The following APBB2 variants were observed in gnomAD, a reference collection of about 807,000 sequenced individuals.
APBB2 encodes the protein amyloid beta precursor protein binding family B member 2, also known as Fe65-like 1.
APBB2 carries 38 observed loss-of-function variants against 82.5 expected under a neutral mutation model. The observed-to-expected ratio is 0.46, with a 90% confidence interval of 0.36 to 0.60. APBB2 has a LOEUF of 0.60. APBB2 is among the 20% of genes least tolerant of loss of function. The pLI is 0.00. For synonymous variants in APBB2, 341 were observed against 368.2 expected, an observed-to-expected ratio of 0.93 and a Z score of 0.85; for missense variants, 772 against 972.3, an observed-to-expected ratio of 0.79 and a Z score of 2.74.
intron 10 of APBB2, among the ~76,000 whole-genome samples, chr4:40,906,931 T>C (rs1242505682): frequency 6.6e-6 from 1 of 152,202 alleles, no homozygotes; most frequent in Non-Finnish European, 1.5e-5. Flanking sequence ...TACATATGCA[T>C]GTATATATGT....
chr4:41,177,854 A>C (rs1291014222), intron 1 of APBB2, among the ~76,000 whole-genome samples: 1 of 152,210 alleles, frequency 6.6e-6, no homozygotes, highest in African/African-American at 2.4e-5. Flanking sequence ...CATTATACTT[A>C]CCGGTTGAGC....
intron 1 of APBB2, among the ~76,000 whole-genome samples, chr4:41,171,992 C>A (rs546691874): frequency 1.3e-5 from 2 of 152,158 alleles, no homozygotes; most frequent in Admixed American, 6.5e-5. Flanking sequence ...CCCAGCTAAT[C>A]GGGAGGCTAA....
chr4:41,106,268 T>C (rs1372002066), intron 2 of APBB2, among the ~76,000 whole-genome samples: 1 of 152,170 alleles, frequency 6.6e-6, no homozygotes, highest in Admixed American at 6.5e-5. Flanking sequence ...AAGTTAATCT[T>C]TGGCACTATC....
intron 6 of APBB2, among the ~76,000 whole-genome samples, chr4:40,973,062 T>G (rs1241953601): frequency 6.6e-6 from 1 of 152,248 alleles, no homozygotes; most frequent in Non-Finnish European, 1.5e-5. Flanking sequence ...TATATTTGAA[T>G]GACATATACA....
At chr4:41,047,188 A>T (rs888494092) in intron 4 of APBB2, among the ~76,000 whole-genome samples, 1 of 152,228 alleles carries the variant, frequency 6.6e-6, no homozygotes, top group South Asian at 2.1e-4. Context: ...AGAAGATGAA[A>T]AAATTTCTGT....
At chr4:41,179,476 T>C (rs1334948814) in intron 1 of APBB2, among the ~76,000 whole-genome samples, 22 of 152,174 alleles carry the variant, frequency 1.4e-4, no homozygotes, top group Admixed American at 1.4e-3. Flanking sequence ...AAAATAGTTT[T>C]TATCTATCAG....
chr4:41,164,337 C>T (rs1427228420), intron 1 of APBB2, among the ~76,000 whole-genome samples: 1 of 152,164 alleles, frequency 6.6e-6, no homozygotes, highest in Admixed American at 6.5e-5. Context: ...TCACCTTGTA[C>T]ACTGAGATAA....
At chr4:41,101,517 A>AACTT (rs1745434670) in intron 2 of APBB2, among the ~76,000 whole-genome samples, 1 of 149,134 alleles carries the variant, frequency 6.7e-6, no homozygotes, top group Non-Finnish European at 1.5e-5. Flanking sequence ...GAATCACAAC[A>AACTT]ACTTAAGGAA....
chr4:40,982,253 A>AGAAG (rs1798790131), intron 6 of APBB2, among the ~76,000 whole-genome samples: 2 of 13,064 alleles, frequency 1.5e-4, no homozygotes, highest in African/African-American at 2.2e-4. Context: ...AAAGAAAGAA[A>AGAAG]GAAAGAAAGA....
At chr4:40,842,182 T>C (rs1865605) in intron 12 of APBB2, among the ~76,000 whole-genome samples, 96,335 of 152,078 alleles carry the variant, frequency 0.63, 30,882 homozygotes, top group Admixed American at 0.7. Context: ...GGAACGCAGA[T>C]GCAATTCCAG....
At chr4:40,839,853 C>T (rs886606074) in intron 12 of APBB2, among the ~76,000 whole-genome samples, 1 of 152,044 alleles carries the variant, frequency 6.6e-6, no homozygotes, top group African/African-American at 2.4e-5. Flanking sequence ...TTAGTAGAGA[C>T]GGGGCTTCGC....
chr4:40,859,295 T>G (rs1762188478), intron 12 of APBB2, among the ~76,000 whole-genome samples: 1 of 151,958 alleles, frequency 6.6e-6, no homozygotes, highest in African/African-American at 2.4e-5. Context: ...TCATTTTTTT[T>G]TTTTTTTTGA....
At chr4:41,118,053 C>CA (rs368913201) in intron 2 of APBB2, 21,219 of 145,208 alleles carry the variant, frequency 0.15, 1,579 homozygotes, top group Non-Finnish European at 0.16. Flanking sequence ...CAAAACAAAA[C>CA]AAAAAAAAAA....
chr4:40,961,350 G>A (rs1254095054), intron 6 of APBB2, among the ~76,000 whole-genome samples: 1 of 151,832 alleles, frequency 6.6e-6, no homozygotes, highest in Non-Finnish European at 1.5e-5. Flanking sequence ...ATAGAGTTGG[G>A]TTAAGAAATT....
At chr4:40,827,341 C>A in intron 13 of APBB2, 122 bp from the exon 14 acceptor site, 1 of 737,980 alleles carries the variant, frequency 1.4e-6, no homozygotes, top group South Asian at 1.7e-5. Flanking sequence ...AGTCTATTGC[C>A]TGAAGTCCCA....
chr4:41,014,431 A>G, intron 5 of APBB2, 33 bp from the exon 6 acceptor site: 3 of 1,575,640 alleles, frequency 1.9e-6, no homozygotes, highest in Non-Finnish European at 2.6e-6. Context: ...GACACCTGCC[A>G]TGATTAAACT....
chr4:41,190,802 A>G (rs1230475356), intron 1 of APBB2, among the ~76,000 whole-genome samples: 3 of 152,232 alleles, frequency 2.0e-5, no homozygotes, highest in Admixed American at 2.0e-4. Flanking sequence ...TGGTTGCGCC[A>G]TACAAAGTAA....
intron 10 of APBB2, among the ~76,000 whole-genome samples, chr4:40,933,587 T>C (rs776286220): frequency 7.2e-5 from 11 of 152,138 alleles, no homozygotes; most frequent in Non-Finnish European, 1.5e-4. Context: ...GAGTGTGCAC[T>C]TGACCCCAAC....
intron 1 of APBB2, among the ~76,000 whole-genome samples, chr4:41,192,538 G>A (rs1460043121): frequency 3.3e-5 from 5 of 151,830 alleles, no homozygotes; most frequent in African/African-American, 4.8e-5. Context: ...TACCAGACAC[G>A]GAAAGAAAAA....
Sources: gnomAD v4.1 joint callset for allele counts (sites outside exome capture counted in the v4.1 genomes callset) on GRCh38, gnomAD v4.1.1 for gene constraint, MANE v1.5 for transcripts, NCBI Gene and HGNC (gene_info 2026-07-23, HGNC 2026-07-21) for gene names.